The following KCNQ4 variants were observed in gnomAD, a reference collection of about 807,000 sequenced individuals.
KCNQ4 encodes potassium voltage-gated channel subfamily KQT member 4.
Under a neutral mutation model 72.6 loss-of-function variants are expected in KCNQ4, and 31 were observed. The observed-to-expected ratio is 0.43, with a 90% CI of 0.32 to 0.58. The LOEUF (loss-of-function observed/expected upper bound fraction) is 0.58, where lower values mean the gene tolerates loss of function less well. Ranked by LOEUF, KCNQ4 falls within the 20% of genes least tolerant of loss-of-function variation. KCNQ4 has a pLI of 0.08. For missense variants in KCNQ4, 869 were observed against 962.6 expected (o/e 0.90, Z 1.29); for synonymous variants, 405 against 403.7 (o/e 1.00, Z -0.04).
At chr1:40,824,046 G>A (rs1378953583) in intron 8 of KCNQ4, 51 bp from the exon 9 acceptor site, 6 of 1,541,868 alleles carry the variant, frequency 3.9e-6, no homozygotes, top group Admixed American at 2.0e-5. Context: ...CACTGGGTGA[G>A]GGGGGTGGTG....
At chr1:40,789,744 C>G (rs1557983866) in intron 1 of KCNQ4, among the ~76,000 whole-genome samples, 1 of 152,166 alleles carries the variant, frequency 6.6e-6, no homozygotes, top group Non-Finnish European at 1.5e-5. Context: ...ATATTTAAGC[C>G]AGGAGTGTTT....
In KCNQ4 at chr1:40,838,903, T is replaced by C; in HGVS notation, c.*380T>C. 2.8e-6 allele frequency: 1 copy of C among 353,908 alleles called. No homozygotes were observed. Among genetic ancestry groups the C allele is most frequent in the Non-Finnish European group, 5.4e-6 (1 of 184,544 alleles). 21.9% of individuals were successfully genotyped at this position (353,908 alleles called of 1,614,324 possible). ...GCTTCCAGCTATGCAAGGTGAGGTC[T>C]CTGGCCCACCCTTCGGACACAGCAG... On this transcript the variant is annotated 3_prime_UTR_variant, in exon 14 of 14. Coordinates refer to ENST00000347132, the MANE Select transcript of KCNQ4 (RefSeq NM_004700.4).
intron 1 of KCNQ4, among the ~76,000 whole-genome samples, chr1:40,807,519 G>A (rs1392126541): frequency 6.6e-6 from 1 of 152,172 alleles, no homozygotes; most frequent in African/African-American, 2.4e-5. Flanking sequence ...TCTCCTCCCA[G>A]CCCCTGAGGA....
intron 1 of KCNQ4, among the ~76,000 whole-genome samples, chr1:40,785,841 A>AG (rs957758884): frequency 1.3e-5 from 2 of 151,224 alleles, no homozygotes; most frequent in African/African-American, 2.5e-5. Flanking sequence ...AGGGAGGGGC[A>AG]GGGGGGGAAG....
At chr1:40,830,091 G>A (rs1407503827) in intron 9 of KCNQ4, among the ~76,000 whole-genome samples, 2 of 152,230 alleles carry the variant, frequency 1.3e-5, no homozygotes, top group Admixed American at 6.5e-5. Flanking sequence ...CACAGACTGT[G>A]TAAATGCTGT....
chr1:40,821,770 A>G (rs1481568221), intron 7 of KCNQ4, among the ~76,000 whole-genome samples: 2 of 152,210 alleles, frequency 1.3e-5, no homozygotes, highest in African/African-American at 4.8e-5. Flanking sequence ...CTAGGGGGAG[A>G]GAAAGTTATC....
chr1:40,818,739 G>C, intron 4 of KCNQ4, 59 bp downstream of exon 4: 2 of 1,530,178 alleles, frequency 1.3e-6, no homozygotes, highest in South Asian at 1.2e-5. Flanking sequence ...CGACCAGAGC[G>C]GGCAGGGCGG....
chr1:40,801,995 A>T (rs1264222186), intron 1 of KCNQ4, among the ~76,000 whole-genome samples: 1 of 152,132 alleles, frequency 6.6e-6, no homozygotes, highest in East Asian at 1.9e-4. Context: ...CTTGGTGGGC[A>T]ACTCCTTTGG....
chr1:40,819,350 C>A lies in KCNQ4; in HGVS notation c.712C>A (p.Leu238Met). ...GSVVYAHSKE[L>M]ITAWYIGFLV... ...CGCCCCTCCGCCTGCCCCGCAGGAG[C>A]TGATCACCGCCTGGTACATCGGGTT... The change falls in exon 5 of 14, where the codon CTG (leucine) becomes ATG (methionine). Residue 238 changes from leucine to methionine, a missense_variant. Leu to Met is a conservative substitution (Grantham distance 15). This residue lies in a region of KCNQ4 where 179 missense variants were observed against 243.0 expected (regional missense o/e 0.74). Transcript: ENST00000347132. The A allele has an allele frequency of 6.2e-7, 1 of 1,613,792 alleles. No homozygotes were observed. The highest frequency in any genetic ancestry group is 8.5e-7 in the Non-Finnish European group (1 of 1,179,968).
chr1:40,796,003 T>G (rs900951590), intron 1 of KCNQ4, among the ~76,000 whole-genome samples: 3 of 152,086 alleles, frequency 2.0e-5, no homozygotes, highest in Admixed American at 2.0e-4. Flanking sequence ...CACTGAAGCT[T>G]AAAGGTGAAA....
chr1:40,838,854 G>T lies in KCNQ4; in HGVS notation c.*331G>T, dbSNP rs1428901202. ...CACAGCCCCGGGAGTGGGAGCGGGCGCTGGGGCCCTGGGCCCTGACCCAGC... is the reference window on the plus strand; with the variant it reads ...CACAGCCCCGGGAGTGGGAGCGGGCTCTGGGGCCCTGGGCCCTGACCCAGC... On this transcript the variant is annotated 3_prime_UTR_variant, in exon 14 of 14. Transcript: ENST00000347132. 3 of 436,784 alleles carry T rather than the reference G, an allele frequency of 6.9e-6. No homozygotes were observed. The highest frequency in any genetic ancestry group is 4.5e-5 in the East Asian group (1 of 22,310). The allele number at this position is 436,784 out of a possible 1,614,324, so 27.1% of individuals were successfully genotyped here. A position where few individuals can be genotyped will look rare whatever the true frequency, so the allele number is the denominator to read the frequency against.
At chr1:40,796,234 C>T (rs147262586) in intron 1 of KCNQ4, among the ~76,000 whole-genome samples, 15 of 152,270 alleles carry the variant, frequency 9.9e-5, no homozygotes, top group African/African-American at 3.4e-4. Context: ...AGACACGATC[C>T]TGCTGGCTAG....
At position 40,794,587 on chromosome 1, in the gene KCNQ4, G is replaced by A. The variant is rs1265612331; in HGVS notation, c.314+10180G>A. 6.6e-6 allele frequency among the ~76,000 whole-genome samples: 1 copy of A among 152,190 alleles called. No individual in the cohort carries two copies. The highest frequency in any genetic ancestry group is 2.4e-5 in the African/African-American group (1 of 41,436). ...GCCAGCTGACCCAAGGCAGTTTCCA[G>A]TGGCCTAAGGCAAAACTGAGGAGAA... On this transcript the variant is annotated intron_variant, in intron 1 of 13. Transcript: ENST00000347132. This position sits in a 1 kb window ranked among gnomAD's most constrained non-coding sequence, Gnocchi z 4.2.
chr1:40,832,209 G>A (rs1648671823), intron 10 of KCNQ4, among the ~76,000 whole-genome samples: 1 of 152,200 alleles, frequency 6.6e-6, no homozygotes, highest in African/African-American at 2.4e-5. Context: ...GTGGGGAGAG[G>A]TGGGGTGAGT....
At chr1:40,800,789 T>A (rs1311229271) in intron 1 of KCNQ4, among the ~76,000 whole-genome samples, 1 of 152,110 alleles carries the variant, frequency 6.6e-6, no homozygotes, top group Non-Finnish European at 1.5e-5. Context: ...CTCTCCCTCT[T>A]GTAGAATAGT....
chr1:40,829,577 A>G (rs1169024053), intron 9 of KCNQ4, among the ~76,000 whole-genome samples: 2 of 151,980 alleles, frequency 1.3e-5, no homozygotes, highest in African/African-American at 4.8e-5. Flanking sequence ...CCTCCACCCC[A>G]TGCCCTGGGC....
At chr1:40,819,624 T>C (rs1648221581) in intron 5 of KCNQ4, 152 bp downstream of exon 5, 1 of 1,047,686 alleles carries the variant, frequency 9.5e-7, no homozygotes, top group Non-Finnish European at 1.4e-6. Context: ...CCAGCCCCAA[T>C]GCTAACCCCC....
rs1156621502 is a variant in KCNQ4 at position 40,831,240 on chromosome 1, G to T, written c.1449G>T (p.Trp483Cys). The T allele has an allele frequency of 3.1e-6, 5 of 1,609,558 alleles. No individual in the cohort carries two copies. The highest frequency in any genetic ancestry group is 4.2e-6 in the Non-Finnish European group (5 of 1,178,182). Residue 483 changes from tryptophan to cysteine, a missense_variant, in exon 10 of 14, where the codon TGG (tryptophan) becomes TGT (cysteine). By Grantham distance (215) the Trp-to-Cys change is radical. Around this residue, in one of 5 missense-constraint regions of KCNQ4, gnomAD observed 480 missense variants for 501.9 expected, o/e 0.96. Coordinates refer to ENST00000347132, the MANE Select transcript of KCNQ4 (RefSeq NM_004700.4). ...GCCCCACCAAGGTGCAAAAGAGCTG[G>T]AGCTTCAATGACCGCACCCGCTTCC... The part of the protein sequence containing the change: ...ATSPTKVQKS[W>C]SFNDRTRFRA...
In KCNQ4 at chr1:40,784,575, C is replaced by T. The variant is rs1647185319; in HGVS notation, c.314+168C>T. 6.6e-6 allele frequency among the ~76,000 whole-genome samples: 1 copy of T among 152,018 alleles called. No individual in the cohort carries two copies. The highest frequency in any genetic ancestry group is 1.5e-5 in the Non-Finnish European group (1 of 67,982). On this transcript the variant is annotated intron_variant, in intron 1 of 13. Coordinates refer to ENST00000347132, the MANE Select transcript of KCNQ4 (RefSeq NM_004700.4). The surrounding 1 kb of genome is among the most constrained non-coding windows in gnomAD (Gnocchi z 4.1). ...TTTCTGATCCCCTCGCTGAGCCCGA[C>T]CCTAAGCCCTGATCTCCCAGGCCTG...
Sources: allele counts gnomAD v4.1 joint callset (sites outside exome capture counted in the v4.1 genomes callset), GRCh38; gene constraint gnomAD v4.1.1; regional missense constraint gnomAD v4.1.1; non-coding constraint Gnocchi (gnomAD v3.1); transcripts MANE v1.5; gene names NCBI Gene and HGNC (gene_info 2026-07-23, HGNC 2026-07-21).